The following TAOK3 variants were observed in gnomAD, a reference collection of about 807,000 sequenced individuals.
The protein encoded by TAOK3 is TAO kinase 3.
A neutral mutation model predicts 120.4 loss-of-function variants in TAOK3; 40 were observed. The observed-to-expected ratio is 0.33, with a 90% CI of 0.26 to 0.43. The LOEUF (loss-of-function observed/expected upper bound fraction) is 0.43, where lower values mean the gene tolerates loss of function less well. Ranked by LOEUF, TAOK3 falls within the 20% of genes least tolerant of loss-of-function variation. The probability of loss-of-function intolerance (pLI) is 1.00; values close to 1 mark genes in which losing one functional copy is unlikely to be tolerated. For missense variants in TAOK3, 821 were observed against 1,112.1 expected (o/e 0.74, Z 3.72); for synonymous variants, 355 against 387.5 (o/e 0.92, Z 0.99).
intron 3 of TAOK3, among the ~76,000 whole-genome samples, chr12:118,252,179 T>G (rs1489788048): frequency 6.6e-6 from 1 of 152,104 alleles, no homozygotes; most frequent in Non-Finnish European, 1.5e-5. Flanking sequence ...GGAGAGATTC[T>G]GAGAAGATGA....
intron 9 of TAOK3, among the ~76,000 whole-genome samples, chr12:118,221,593 G>T (rs1246714482): frequency 6.6e-6 from 1 of 150,920 alleles, no homozygotes; most frequent in Non-Finnish European, 1.5e-5. Context: ...AATTGGGAAC[G>T]CTTCTGAAGA....
chr12:118,181,423 G>C lies in TAOK3; in HGVS notation c.1514C>G (p.Ser505Cys). The C allele has an allele frequency of 6.2e-7, 1 of 1,614,204 alleles. No homozygotes were observed. Among genetic ancestry groups the C allele is most frequent in the Admixed American group, 1.7e-5 (1 of 60,032 alleles). The change falls in exon 15 of 21, where the codon TCC becomes TGC. Residue 505 changes from serine to cysteine, a missense_variant. Around this residue, in one of 2 missense-constraint regions of TAOK3, gnomAD observed 354 missense variants for 572.1 expected, o/e 0.62. Coordinates refer to ENST00000392533, the MANE Select transcript of TAOK3 (RefSeq NM_016281.4). ...CTTGGCCAGCTTCTCCAGCTCGATG[G>C]ACGAGTTGTTGGCATGCGTCTCCAC... The part of the protein sequence containing the change: ...KEVETHANNS[S>C]IELEKLAKKQ...
chr12:118,339,061 G>A (rs927349824), intron 1 of TAOK3, among the ~76,000 whole-genome samples: 11 of 152,006 alleles, frequency 7.2e-5, no homozygotes, highest in African/African-American at 2.4e-4. Flanking sequence ...AAAGGATGAA[G>A]CTAGAACTGT....
chr12:118,156,472 T>C lies in TAOK3; in HGVS notation c.2352+3674A>G, dbSNP rs578004023. Among the ~76,000 whole-genome samples, 7 of 152,254 alleles carry C rather than the reference T, an allele frequency of 4.6e-5. No individual in the cohort carries two copies. In the South Asian group the frequency reaches 6.2e-4, roughly 14 times the overall value. On this transcript the variant is annotated intron_variant, in intron 19 of 20. Transcript: ENST00000392533. ...GCCCTCTTCTTCCTCTAACCGCTCT[T>C]CCTAAGAATCTCATCTATTTCAAAA...
At chr12:118,217,151 A>G (rs2139561271) in intron 9 of TAOK3, among the ~76,000 whole-genome samples, 1 of 152,306 alleles carries the variant, frequency 6.6e-6, no homozygotes, top group Middle Eastern at 3.4e-3. Context: ...GCAGTTCAAA[A>G]AACAGAACAA....
intron 9 of TAOK3, among the ~76,000 whole-genome samples, chr12:118,226,640 C>T (rs1011730678): frequency 2.0e-5 from 3 of 152,052 alleles, no homozygotes; most frequent in African/African-American, 7.2e-5. Context: ...AGAGTCTATG[C>T]TCTTTAGCAC....
At chr12:118,309,609 G>A (rs1194202392) in intron 1 of TAOK3, among the ~76,000 whole-genome samples, 6 of 151,716 alleles carry the variant, frequency 4.0e-5, no homozygotes, top group African/African-American at 1.2e-4. Flanking sequence ...TCCGCCTTCC[G>A]GGTTCAAGAG....
At chr12:118,346,724 T>G (rs16948258) in intron 1 of TAOK3, among the ~76,000 whole-genome samples, 3,122 of 152,298 alleles carry the variant, frequency 0.02, 108 homozygotes, top group African/African-American at 0.071. Flanking sequence ...GGCAAAGATA[T>G]GTTCAATGCA....
At chr12:118,170,324 G>A (rs1220246125) in intron 17 of TAOK3, among the ~76,000 whole-genome samples, 2 of 152,006 alleles carry the variant, frequency 1.3e-5, no homozygotes, top group Non-Finnish European at 2.9e-5. Context: ...CTAGGTCACC[G>A]CACCCCAACA....
chr12:118,246,269 C>G (rs969681350), intron 3 of TAOK3: 1 of 1,508,386 alleles, frequency 6.6e-7, no homozygotes, highest in Non-Finnish European at 9.1e-7. Context: ...AGTGGATGCC[C>G]GTCACCAAGT....
intron 9 of TAOK3, among the ~76,000 whole-genome samples, chr12:118,218,907 C>G (rs942092521): frequency 3.3e-5 from 5 of 151,016 alleles, no homozygotes; most frequent in Non-Finnish European, 7.4e-5. Context: ...GAGCCGAGAT[C>G]ACACCACTGC....
intron 1 of TAOK3, among the ~76,000 whole-genome samples, chr12:118,333,811 G>A (rs2044248388): frequency 6.6e-6 from 1 of 150,878 alleles, no homozygotes; most frequent in African/African-American, 2.4e-5. Flanking sequence ...ATACGATTCA[G>A]CAGTCCAGTT....
At chr12:118,261,713 G>A (rs181240989) in intron 2 of TAOK3, 1 of 152,182 alleles carries the variant, frequency 6.6e-6, no homozygotes, top group East Asian at 1.9e-4. Flanking sequence ...GAAACAAAAA[G>A]CATCAAGACT....
chr12:118,236,749 A>G (rs2139894266), intron 7 of TAOK3: 1 of 152,276 alleles, frequency 6.6e-6, no homozygotes, highest in South Asian at 2.1e-4. Context: ...TATTTTCTCT[A>G]CTTATCTTTA....
intron 1 of TAOK3, among the ~76,000 whole-genome samples, chr12:118,291,909 G>T (rs2042498542): frequency 6.6e-6 from 1 of 152,118 alleles, no homozygotes; most frequent in Non-Finnish European, 1.5e-5. Flanking sequence ...CCACCTCCGG[G>T]TTCAAGCGAT....
intron 9 of TAOK3, among the ~76,000 whole-genome samples, chr12:118,221,926 G>A (rs1202440546): frequency 1.3e-5 from 2 of 152,044 alleles, no homozygotes; most frequent in Admixed American, 6.6e-5. Context: ...GAGCCACTGC[G>A]CCTGGCAGAA....
chr12:118,240,452 T>A (rs989847117), intron 5 of TAOK3, among the ~76,000 whole-genome samples: 6 of 152,132 alleles, frequency 3.9e-5, no homozygotes, highest in Non-Finnish European at 5.9e-5. Flanking sequence ...GTGTTGGGAT[T>A]ACAGGTGTGA....
intron 19 of TAOK3, among the ~76,000 whole-genome samples, chr12:118,154,208 A>G (rs1331785168): frequency 1.3e-5 from 2 of 152,198 alleles, no homozygotes; most frequent in African/African-American, 4.8e-5. Context: ...GCCCCAGCTA[A>G]GTGGGTGAGA....
rs2041555591 is a variant in TAOK3, at chr12:118,268,512, G to A, written c.-193-1753C>T. Among the ~76,000 whole-genome samples the A allele has an allele frequency of 3.9e-5, 6 of 152,174 alleles. No individual in the cohort carries two copies. The South Asian group carries it at 1.2e-3, about 32-fold the overall frequency. On this transcript the variant is annotated intron_variant, in intron 1 of 20. Coordinates refer to ENST00000392533, the MANE Select transcript of TAOK3 (RefSeq NM_016281.4). ...TTTCATTATTTCTGTTACTCCTTCC[G>A]ATTCTGTCTGTGGCTGTGGAATGCT...
Sources: allele counts gnomAD v4.1 joint callset (sites outside exome capture counted in the v4.1 genomes callset), GRCh38; gene constraint gnomAD v4.1.1; regional missense constraint gnomAD v4.1.1; transcripts MANE v1.5; gene names NCBI Gene and HGNC (gene_info 2026-07-23, HGNC 2026-07-21).